Variants in NTN1 observed in about 807,000 individuals in gnomAD.
NTN1 encodes the protein netrin 1, also known as netrin-1.
NTN1 carries 11 observed loss-of-function variants against 54.2 expected under a neutral mutation model. The ratio of observed to expected loss-of-function variants is 0.20; its 90% CI spans 0.13 to 0.34. The LOEUF (loss-of-function observed/expected upper bound fraction) is 0.34. Ranked by LOEUF, NTN1 falls within the 10% of genes least tolerant of loss-of-function variation. The probability of loss-of-function intolerance (pLI) is 1.00; values close to 1 mark genes in which losing one functional copy is unlikely to be tolerated. For missense variants in NTN1, 740 were observed against 893.1 expected, an observed-to-expected ratio of 0.83 and a Z score of 2.18; for synonymous variants, 371 against 382.0, an observed-to-expected ratio of 0.97 and a Z score of 0.33.
intron 2 of NTN1, among the ~76,000 whole-genome samples, chr17:9,068,777 G>A (rs1345967984): frequency 6.6e-6 from 1 of 152,072 alleles, no homozygotes; most frequent in Non-Finnish European, 1.5e-5. Context: ...CAAAGTGCTG[G>A]GATTACAGGC....
chr17:9,091,681 G>A (rs35796933), intron 2 of NTN1, among the ~76,000 whole-genome samples: 11,789 of 151,858 alleles, frequency 0.078, 616 homozygotes, highest in Non-Finnish European at 0.11. Flanking sequence ...TCGAACTCCC[G>A]ACCTCAGGTG....
intron 2 of NTN1, among the ~76,000 whole-genome samples, chr17:9,142,158 G>A (rs770731011): frequency 1.1e-4 from 16 of 151,044 alleles, no homozygotes; most frequent in Non-Finnish European, 1.6e-4. Flanking sequence ...GCATGGTGGC[G>A]GGCCCCTGTA....
chr17:9,063,423 G>A (rs530686403), intron 2 of NTN1, among the ~76,000 whole-genome samples: 1 of 152,046 alleles, frequency 6.6e-6, no homozygotes, highest in Non-Finnish European at 1.5e-5. Flanking sequence ...AAGCTTTGTT[G>A]TATTTTGCCA....
chr17:9,190,847 G>T (rs900077954), intron 5 of NTN1, among the ~76,000 whole-genome samples: 4 of 151,494 alleles, frequency 2.6e-5, no homozygotes, highest in Non-Finnish European at 4.4e-5. Context: ...GCAGGACTGT[G>T]TCTGGAAAAA....
chr17:9,072,453 A>G (rs1395688357), intron 2 of NTN1, among the ~76,000 whole-genome samples: 2 of 151,980 alleles, frequency 1.3e-5, no homozygotes, highest in South Asian at 2.1e-4. Context: ...CGGCCTTCTC[A>G]TCAAACCTCA....
Position 9,136,547 on chromosome 17 carries a change from A to G in NTN1, c.1019-26266A>G, listed in dbSNP as rs146884325. Among the ~76,000 whole-genome samples the G allele has an allele frequency of 5.7e-3, 873 of 152,334 alleles. 8 individuals carry two copies. Among genetic ancestry groups the G allele is most frequent in the African/African-American group, 0.02 (816 of 41,578 alleles). The stretch of plus-strand genomic sequence containing the variant: ...AGCCAAGATTGCACCACTGCACTCC[A>G]GCCTGGGCAACAGAGCAAGACTCTG... On this transcript the variant is annotated intron_variant, in intron 2 of 6. Coordinates refer to ENST00000173229, the MANE Select transcript of NTN1 (RefSeq NM_004822.3).
At chr17:9,146,263 A>G (rs1435728536) in intron 2 of NTN1, among the ~76,000 whole-genome samples, 1 of 152,222 alleles carries the variant, frequency 6.6e-6, no homozygotes, top group Admixed American at 6.5e-5. Context: ...CCTGGTGCAC[A>G]GAGACTGCTC....
chr17:9,233,666 CTG>C (rs1304037892), intron 6 of NTN1, among the ~76,000 whole-genome samples: 2 of 152,002 alleles, frequency 1.3e-5, no homozygotes, highest in African/African-American at 4.8e-5. Context: ...TAAGCATAGG[CTG>C]TGACCTAGAG....
chr17:9,056,476 C>G (rs752706743), intron 2 of NTN1, among the ~76,000 whole-genome samples: 1 of 152,148 alleles, frequency 6.6e-6, no homozygotes, highest in Non-Finnish European at 1.5e-5. Context: ...GGATGGTGGT[C>G]TGTCTTTCTG....
chr17:9,240,045 C>T lies in NTN1; in HGVS notation c.*77C>T. On this transcript the variant is annotated 3_prime_UTR_variant, in exon 7 of 7. Transcript: ENST00000173229. ...AGAGCGGGCGCCTTGGCCCGGCCGC[C>T]GCGGACTTGGCCCGCGAGGGCTTTC... 1.3e-6 allele frequency: 1 copy of T among 780,092 alleles called. No individual in the cohort carries two copies. Among genetic ancestry groups the T allele is most frequent in the Non-Finnish European group, 1.6e-6 (1 of 641,276 alleles). The allele number at this position is 780,092 out of a possible 1,614,324, so 48.3% of individuals were successfully genotyped here. A position where few individuals can be genotyped will look rare whatever the true frequency, so the allele number is the denominator to read the frequency against.
At chr17:9,116,093 G>A (rs1042239225) in intron 2 of NTN1, among the ~76,000 whole-genome samples, 5 of 152,198 alleles carry the variant, frequency 3.3e-5, no homozygotes, top group African/African-American at 4.8e-5. Flanking sequence ...TTGGTTAACC[G>A]AACACATTGC....
intron 5 of NTN1, among the ~76,000 whole-genome samples, chr17:9,185,377 G>A (rs574048204): frequency 4.6e-5 from 7 of 152,308 alleles, no homozygotes; most frequent in Non-Finnish European, 7.4e-5. Context: ...AGGCCTCTGT[G>A]CCAGGCTGCC....
At chr17:9,234,210 G>A (rs563209140) in intron 6 of NTN1, among the ~76,000 whole-genome samples, 36 of 152,368 alleles carry the variant, frequency 2.4e-4, no homozygotes, top group African/African-American at 7.0e-4. Flanking sequence ...CTCTTAGCTC[G>A]CACTGTCCTG....
At chr17:9,052,465 G>A (rs1272971160) in intron 2 of NTN1, among the ~76,000 whole-genome samples, 1 of 152,118 alleles carries the variant, frequency 6.6e-6, no homozygotes, top group Non-Finnish European at 1.5e-5. Flanking sequence ...TTGGTAATAG[G>A]TACATCAATC....
chr17:9,181,615 C>T (rs891918703), intron 4 of NTN1, among the ~76,000 whole-genome samples: 3 of 152,208 alleles, frequency 2.0e-5, no homozygotes, highest in African/African-American at 7.2e-5. Context: ...CTTGTTCTTC[C>T]TAAAGGAGCA....
At chr17:9,093,846 C>T (rs1567708847) in intron 2 of NTN1, among the ~76,000 whole-genome samples, 1 of 152,150 alleles carries the variant, frequency 6.6e-6, no homozygotes, top group South Asian at 2.1e-4. Flanking sequence ...TGGTGGCGGG[C>T]GCCTGTAGTC....
chr17:9,031,009 G>C (rs76722623), intron 2 of NTN1, among the ~76,000 whole-genome samples: 1,545 of 152,212 alleles, frequency 0.01, 19 homozygotes, highest in African/African-American at 0.035. Context: ...ACCCATCTGT[G>C]CCCCCTCCTG....
At chr17:9,023,463 C>G (rs1886775718) in intron 2 of NTN1, 72 bp downstream of exon 2, 2 of 1,329,562 alleles carry the variant, frequency 1.5e-6, no homozygotes, top group South Asian at 2.0e-5. Context: ...CTCGCAGCGG[C>G]GAGTTCATAG....
intron 2 of NTN1, among the ~76,000 whole-genome samples, chr17:9,067,329 T>C (rs1422662171): frequency 1.3e-5 from 2 of 152,132 alleles, no homozygotes; most frequent in African/African-American, 4.8e-5. Flanking sequence ...CTAAGGCTAT[T>C]AAATACAGCT....
Sources: allele counts gnomAD v4.1 joint callset (sites outside exome capture counted in the v4.1 genomes callset), GRCh38; gene constraint gnomAD v4.1.1; transcripts MANE v1.5; gene names NCBI Gene and HGNC (gene_info 2026-07-23, HGNC 2026-07-21).